Variants in BMI1 observed in about 807,000 individuals in gnomAD.
BMI1 encodes polycomb complex protein BMI-1.
In BMI1, 9 loss-of-function variants were observed where a neutral mutation model predicts 39.1. The ratio of observed to expected loss-of-function variants is 0.23; its 90% confidence interval spans 0.14 to 0.40. The LOEUF (loss-of-function observed/expected upper bound fraction) is 0.40. Among genes scored for constraint, BMI1 ranks in the 10% least tolerant of loss-of-function variants. BMI1 has a pLI of 1.00. For synonymous variants in BMI1, 131 were observed against 127.9 expected, an observed-to-expected ratio of 1.02 and a Z score of -0.16; for missense variants, 252 against 390.8, an observed-to-expected ratio of 0.64 and a Z score of 2.99.
rs570360418 is a variant in BMI1 at position 22,323,284 on chromosome 10, G to C, written c.-20+1588G>C. 1.4e-4 allele frequency among the ~76,000 whole-genome samples: 22 copies of C among 152,312 alleles called. No homozygotes were observed. In the South Asian group the frequency reaches 4.1e-3, roughly 29 times the overall value. Reference sequence around the variant, plus strand: ...AACAAAATTATAAGTTTTTAGATTTGAGTTAATTCCATACATCTACCCCAA... The same window carrying C: ...AACAAAATTATAAGTTTTTAGATTTCAGTTAATTCCATACATCTACCCCAA... On this transcript the variant is annotated intron_variant, in intron 1 of 9. Transcript: ENST00000376663.
rs1306742286 is a variant in BMI1, at chr10:22,321,573, A to G, written c.-143A>G. The G allele has an allele frequency of 1.3e-5, 2 of 152,900 alleles. No individual in the cohort carries two copies. The highest frequency in any genetic ancestry group is 4.8e-5 in the African/African-American group (2 of 41,396). The allele number at this position is 152,900 out of a possible 1,614,324, so 9.5% of individuals were successfully genotyped here. On this transcript the variant is annotated 5_prime_UTR_variant, in exon 1 of 10. Transcript: ENST00000376663. ...GGGGCCGCGCTGGTTGCCCATTGACAGCGGCGTCTGCAGCTCGCTTCAAGA... is the reference window on the plus strand; with the variant it reads ...GGGGCCGCGCTGGTTGCCCATTGACGGCGGCGTCTGCAGCTCGCTTCAAGA...
At chr10:22,325,290 A>G (rs1040955479) in intron 1 of BMI1, among the ~76,000 whole-genome samples, 2 of 152,318 alleles carry the variant, frequency 1.3e-5, no homozygotes, top group Middle Eastern at 6.8e-3. Flanking sequence ...ACAGTTGGCA[A>G]TTCTCAAAAA....
chr10:22,326,318 C>T (rs1009500375), intron 1 of BMI1, 113 bp from the exon 2 acceptor site: 84 of 1,419,768 alleles, frequency 5.9e-5, no homozygotes, highest in Non-Finnish European at 7.8e-5. Context: ...TAGGACAGCC[C>T]AGCTGTACAG....
In BMI1 at chr10:22,327,121, T is replaced by C. The variant is rs558864206; in HGVS notation, c.209+135T>C. 3 of 1,011,288 alleles carry C rather than the reference T, an allele frequency of 3.0e-6. No homozygotes were observed. The African/African-American group carries it at 4.8e-5, about 16-fold the overall frequency. The allele number at this position is 1,011,288 out of a possible 1,614,324, so 62.6% of individuals were successfully genotyped here. On this transcript the variant is annotated intron_variant, in intron 3 of 9. Transcript: ENST00000376663. ...TAATATGTGTGTGCTTTGTGGAGGG[T>C]AGCCGTTTAATTTCTTGCCATATTA... is the stretch of plus-strand genomic sequence containing the variant.
chr10:22,331,622 G>C (rs958353281), downstream of BMI1: 1 of 152,056 alleles, frequency 6.6e-6, no homozygotes. Context: ...TTTTTAAAAG[G>C]CTAAAAACTT....
At position 22,329,119 on chromosome 10, in the gene BMI1, C is replaced by T. The variant is rs762935790; in HGVS notation, c.642C>T (p.Thr214=). The change falls in exon 9 of 10, where the codon ACC becomes ACT. Residue 214 remains threonine (T), a synonymous_variant. Transcript: ENST00000376663. ...YTLMDIAYIY[T]WRRNGPLPLK... ...TAATGGATATTGCCTACATTTATAC[C>T]TGGAGAAGGGTAAGTAGCATATCTG... 7 of 1,612,688 alleles carry T rather than the reference C, an allele frequency of 4.3e-6. No individual in the cohort carries two copies. The Admixed American group carries it at 8.4e-5, about 19-fold the overall frequency.
chr10:22,330,735 C>G lies in BMI1; in HGVS notation c.*1193C>G, dbSNP rs1482444893. On this transcript the variant is annotated 3_prime_UTR_variant, in exon 10 of 10. Coordinates refer to ENST00000376663, the MANE Select transcript of BMI1 (RefSeq NM_005180.9). ...ATTTTAAATTTAAGAGTTGCTTTTA[C>G]AGTTAACAATGGAATATGCCTTCTC... The G allele has an allele frequency of 1.3e-5, 2 of 152,484 alleles. No homozygotes were observed. The highest frequency in any genetic ancestry group is 2.9e-5 in the Non-Finnish European group (2 of 67,980). The allele number at this position is 152,484 out of a possible 1,614,324, so 9.4% of individuals were successfully genotyped here.
Position 22,329,660 on chromosome 10 carries a change from T to C in BMI1, c.*118T>C. ...CTATCGTCCAATTTGCTTTCTTTTG[T>C]AGTGACATTAAATTTGGCTATAAAA... On this transcript the variant is annotated 3_prime_UTR_variant, in exon 10 of 10. Coordinates refer to ENST00000376663, the MANE Select transcript of BMI1 (RefSeq NM_005180.9). 1 of 1,242,532 alleles carries C rather than the reference T, an allele frequency of 8.0e-7. No individual in the cohort carries two copies. Among genetic ancestry groups the C allele is most frequent in the African/African-American group, 1.5e-5 (1 of 65,852 alleles). The allele number at this position is 1,242,532 out of a possible 1,614,324, so 77.0% of individuals were successfully genotyped here.
chr10:22,326,657 A>G, intron 2 of BMI1, 96 bp downstream of exon 2: 1 of 1,534,264 alleles, frequency 6.5e-7, no homozygotes, highest in East Asian at 2.3e-5. Context: ...ATCTGTGGAA[A>G]TGTTGGTACA....
intron 1 of BMI1, among the ~76,000 whole-genome samples, chr10:22,324,550 C>G (rs749475155): frequency 6.6e-6 from 1 of 152,182 alleles, no homozygotes; most frequent in Non-Finnish European, 1.5e-5. Context: ...ACTGTGGTCA[C>G]TTTCATAAGA....
At chr10:22,326,191 T>A in intron 1 of BMI1, 5 of 399,936 alleles carry the variant, frequency 1.3e-5, no homozygotes, top group Non-Finnish European at 2.2e-5. Context: ...CACCCCAGAC[T>A]TTCTTCTACC....
Position 22,329,120 on chromosome 10 carries a change from T to C in BMI1, c.643T>C (p.Trp215Arg), listed in dbSNP as rs764148533. The change falls in exon 9 of 10, where the codon TGG becomes CGG. Residue 215 changes from tryptophan (W) to arginine (R), a missense_variant. By Grantham distance (101) the Trp-to-Arg change is moderately radical (BLOSUM62 -3). Transcript: ENST00000376663. ...AATGGATATTGCCTACATTTATACC[T>C]GGAGAAGGGTAAGTAGCATATCTGT... The part of the protein sequence containing the change: ...TLMDIAYIYT[W>R]RRNGPLPLKY... The C allele has an allele frequency of 1.2e-6, 2 of 1,612,814 alleles. No homozygotes were observed. The highest frequency in any genetic ancestry group is 2.7e-5 in the African/African-American group (2 of 74,874).
chr10:22,326,775 A>G, intron 2 of BMI1, 115 bp from the exon 3 acceptor site: 1 of 1,384,684 alleles, frequency 7.2e-7, no homozygotes. Context: ...GAATTAGCTT[A>G]TTTAGTTGGA....
intron 2 of BMI1, 123 bp from the exon 3 acceptor site, chr10:22,326,767 A>G: frequency 2.2e-6 from 3 of 1,358,778 alleles, no homozygotes; most frequent in Non-Finnish European, 3.1e-6. Context: ...CAGGATATGA[A>G]TTAGCTTATT....
At position 22,327,938 on chromosome 10, in the gene BMI1, A is replaced by G. The variant is rs767233105; in HGVS notation, c.317-12A>G. The G allele has an allele frequency of 1.5e-5, 24 of 1,590,338 alleles. No homozygotes were observed. Among genetic ancestry groups the G allele is most frequent in the East Asian group, 9.0e-5 (4 of 44,676 alleles). ...TGATTTTTAAAAATTACATTTCACT[A>G]TATCGTTATAGCTGCCAATGGCTCT... On this transcript the variant is annotated splice_polypyrimidine_tract_variant and intron_variant, in intron 5 of 9. Transcript: ENST00000376663.
In BMI1 at chr10:22,328,537, A is replaced by G. The variant is rs183507120; in HGVS notation, c.472-63A>G. The G allele has an allele frequency of 1.2e-4, 189 of 1,520,772 alleles. No individual in the cohort carries two copies. The East Asian group carries it at 3.4e-3, about 28-fold the overall frequency. 94.2% of individuals were successfully genotyped at this position (1,520,772 alleles called of 1,614,324 possible). A position where few individuals can be genotyped will look rare whatever the true frequency, so the allele number is the denominator to read the frequency against. On this transcript the variant is annotated intron_variant, in intron 7 of 9. Transcript: ENST00000376663. ...AGTATCTTTTATATTCAAGCAATCA[A>G]ATTGAAACTTTCTTCATATCTTAAA... is the stretch of plus-strand genomic sequence containing the variant.
At chr10:22,328,548 TC>T (rs1836212371) in intron 7 of BMI1, 51 bp from the exon 8 acceptor site, 6 of 1,547,718 alleles carry the variant, frequency 3.9e-6, no homozygotes, top group Non-Finnish European at 5.2e-6. Flanking sequence ...ATTGAAACTT[TC>T]TTCATATCTT....
intron 1 of BMI1, among the ~76,000 whole-genome samples, chr10:22,322,877 C>T (rs563916946): frequency 1.3e-5 from 2 of 152,294 alleles, no homozygotes; most frequent in Admixed American, 1.3e-4. Flanking sequence ...CAGAGATTTA[C>T]AGTTAATAAT....
chr10:22,326,162 AC>A, intron 1 of BMI1: 1 of 333,724 alleles, frequency 3.0e-6, no homozygotes, highest in Admixed American at 4.6e-5. Context: ...AGACCCTAAT[AC>A]GCTCAGCTCC....
Sources: allele counts gnomAD v4.1 joint callset (sites outside exome capture counted in the v4.1 genomes callset), GRCh38; gene constraint gnomAD v4.1.1; transcripts MANE v1.5; gene names NCBI Gene and HGNC (gene_info 2026-07-23, HGNC 2026-07-21).